SFI1: variants seen among roughly 807,000 people sequenced by gnomAD.
SFI1 encodes protein SFI1 homolog.
SFI1 carries 195 observed loss-of-function variants against 207.5 expected under a neutral mutation model. The observed-to-expected ratio is 0.94, with a 90% CI of 0.84 to 1.06. The LOEUF (loss-of-function observed/expected upper bound fraction) is 1.06. SFI1 is among the 50% of genes least tolerant of loss of function. The pLI, the probability that SFI1 is intolerant of heterozygous loss-of-function variation, is 0.00. For missense variants in SFI1, 1,634 were observed against 1,588.0 expected (o/e 1.03, Z -0.49); for synonymous variants, 630 against 598.9 (o/e 1.05, Z -0.76).
At chr22:31,546,616 G>A (rs533931576) in intron 4 of SFI1, among the ~76,000 whole-genome samples, 2 of 148,970 alleles carry the variant, frequency 1.3e-5, no homozygotes, top group African/African-American at 4.9e-5. Flanking sequence ...CACTGCGCCC[G>A]ACCGATGTTT....
intron 15 of SFI1, among the ~76,000 whole-genome samples, chr22:31,593,944 A>G (rs1172004073): frequency 2.3e-5 from 3 of 130,812 alleles, no homozygotes; most frequent in South Asian, 2.8e-4. Flanking sequence ...AGTACAGTCC[A>G]GCTTCGGCTC....
chr22:31,565,560 G>C (rs939966784), intron 8 of SFI1, among the ~76,000 whole-genome samples: 5 of 151,522 alleles, frequency 3.3e-5, no homozygotes, highest in African/African-American at 1.2e-4. Flanking sequence ...TTAGCTAGAC[G>C]TGGTGGCGCA....
intron 29 of SFI1, 105 bp from the exon 30 acceptor site, chr22:31,616,621 CCTGCAGCTGGGAGCCTGGT>C (rs2071539888): frequency 9.5e-7 from 1 of 1,051,616 alleles, no homozygotes; most frequent in Non-Finnish European, 1.4e-6. Flanking sequence ...AAGCCCAGCT[CCTGCAGCTGGGAGCCTGGT>C]CTTCCCCCAC....
chr22:31,553,838 GTTTTTTT>G (rs58333559), intron 6 of SFI1, among the ~76,000 whole-genome samples: 150 of 26,250 alleles, frequency 5.7e-3, no homozygotes, highest in African/African-American at 0.012. Flanking sequence ...AATGGATTAT[GTTTTTTT>G]TTTTTTTTTT....
At chr22:31,497,600 G>T (rs1480003888) in intron 1 of SFI1, among the ~76,000 whole-genome samples, 1 of 152,112 alleles carries the variant, frequency 6.6e-6, no homozygotes, top group Non-Finnish European at 1.5e-5. Context: ...TAGCCCCACA[G>T]TGGCCCCTAA....
intron 8 of SFI1, among the ~76,000 whole-genome samples, chr22:31,568,185 GTGTGTGTGT>G (rs1344368382): frequency 0.015 from 1,745 of 119,420 alleles, 44 homozygotes; most frequent in African/African-American, 0.046. Context: ...GTGTGTGTGT[GTGTGTGTGT>G]TGTGTGTGTG....
Position 31,543,584 on chromosome 22 carries a change from T to A in SFI1, c.339-3277T>A, listed in dbSNP as rs530442034. 4.0e-5 allele frequency among the ~76,000 whole-genome samples: 6 copies of A among 150,848 alleles called. No individual in the cohort carries two copies. The East Asian group carries it at 1.2e-3, about 30-fold the overall frequency. On this transcript the variant is annotated intron_variant, in intron 4 of 32. Coordinates refer to ENST00000400288, the MANE Select transcript of SFI1 (RefSeq NM_001007467.3). ...CAGCACTTTGGGAGGCTGAGGCCAGTGGACCACCCGAGCTCAGGAGTTCGA... is the reference window on the plus strand; with the variant it reads ...CAGCACTTTGGGAGGCTGAGGCCAGAGGACCACCCGAGCTCAGGAGTTCGA...
chr22:31,525,603 G>A (rs901085435), intron 2 of SFI1, among the ~76,000 whole-genome samples: 2 of 152,150 alleles, frequency 1.3e-5, no homozygotes, highest in African/African-American at 4.8e-5. Flanking sequence ...TGTAGTTGCA[G>A]CTCCTCAGGA....
intron 2 of SFI1, among the ~76,000 whole-genome samples, chr22:31,525,579 T>C (rs2057808773): frequency 6.6e-6 from 1 of 152,044 alleles, no homozygotes; most frequent in South Asian, 2.1e-4. Flanking sequence ...ATTAGCCAGG[T>C]GGTAGCATGT....
At chr22:31,549,288 T>TAAAAAAAAAAAAAA (rs59382278) in intron 5 of SFI1, among the ~76,000 whole-genome samples, 5 of 37,216 alleles carry the variant, frequency 1.3e-4, no homozygotes, top group African/African-American at 5.0e-4. Context: ...AGACCCTGTG[T>TAAAAAAAAAAAAAA]AAAAAAAAAA....
At chr22:31,611,336 G>A (rs1453627986) in intron 23 of SFI1, 33 bp downstream of exon 23, 2 of 1,559,050 alleles carry the variant, frequency 1.3e-6, no homozygotes, top group African/African-American at 1.4e-5. Flanking sequence ...TCCAAGTTCT[G>A]CCTGCCTGGC....
chr22:31,573,256 C>A, intron 9 of SFI1, 42 bp downstream of exon 9: 1 of 1,599,810 alleles, frequency 6.3e-7, no homozygotes, highest in South Asian at 1.1e-5. Context: ...AGGATCTGGT[C>A]ACAGTTTCAC....
At chr22:31,589,411 A>C in intron 14 of SFI1, 36 bp from the exon 15 acceptor site, 13 of 1,514,992 alleles carry the variant, frequency 8.6e-6, no homozygotes, top group Non-Finnish European at 1.1e-5. Flanking sequence ...AAAAAAAAAA[A>C]GTTAAGTACA....
intron 10 of SFI1, among the ~76,000 whole-genome samples, chr22:31,576,660 A>T (rs369495610): frequency 7.0e-6 from 1 of 141,876 alleles, no homozygotes. Context: ...TTTTTTTGAG[A>T]TGGAGTTTCG....
intron 22 of SFI1, among the ~76,000 whole-genome samples, chr22:31,610,020 C>T (rs1569458004): frequency 1.3e-5 from 2 of 152,194 alleles, no homozygotes; most frequent in Non-Finnish European, 2.9e-5. Flanking sequence ...TGGGTTGCCA[C>T]GTCCATTACA....
intron 12 of SFI1, among the ~76,000 whole-genome samples, chr22:31,581,936 T>C (rs2064231343): frequency 6.6e-6 from 1 of 151,870 alleles, no homozygotes; most frequent in Non-Finnish European, 1.5e-5. Context: ...AGAGACATTT[T>C]CTTATGTAAC....
At chr22:31,541,415 G>GT (rs1339690540) in intron 4 of SFI1, among the ~76,000 whole-genome samples, 2 of 152,152 alleles carry the variant, frequency 1.3e-5, no homozygotes, top group East Asian at 3.9e-4. Context: ...GAGGTAAATG[G>GT]TTATGTTCAT....
rs1029652920 is a variant in SFI1 at position 31,538,900 on chromosome 22, G to A, written c.338+7771G>A. Among the ~76,000 whole-genome samples, 4 of 152,038 alleles carry A rather than the reference G, an allele frequency of 2.6e-5. No individual in the cohort carries two copies. In the East Asian group the frequency reaches 5.8e-4, roughly 22 times the overall value. On this transcript the variant is annotated intron_variant, in intron 4 of 32. Transcript: ENST00000400288. ...AGTGATTCTCAGATGTGTATGCCCA[G>A]CCAAGACCTCTGCCTTGAAACTCTG...
intron 8 of SFI1, among the ~76,000 whole-genome samples, chr22:31,564,314 A>G (rs183484086): frequency 0.055 from 8,173 of 148,720 alleles, 216 homozygotes; most frequent in Non-Finnish European, 0.064. Flanking sequence ...GCGACAGAGC[A>G]AGACTCCATC....
Sources: allele counts gnomAD v4.1 joint callset (sites outside exome capture counted in the v4.1 genomes callset), GRCh38; gene constraint gnomAD v4.1.1; transcripts MANE v1.5; gene names NCBI Gene and HGNC (gene_info 2026-07-23, HGNC 2026-07-21).